The following RFX8 variants were observed in gnomAD, a reference collection of about 807,000 sequenced individuals.
RFX8 encodes the protein DNA-binding protein RFX8.
In RFX8, 46 loss-of-function variants were observed where a neutral mutation model predicts 54.6. The observed-to-expected ratio is 0.84, with a 90% CI of 0.67 to 1.08. RFX8 has a LOEUF of 1.08. Among genes scored for constraint, RFX8 ranks in the 50% least tolerant of loss-of-function variants. The pLI is 0.00. For missense variants in RFX8, 536 were observed against 562.3 expected (o/e 0.95, Z 0.47); for synonymous variants, 192 against 209.5 (o/e 0.92, Z 0.72).
chr2:101,441,698 A>G (rs1167052926), intron 2 of RFX8, among the ~76,000 whole-genome samples: 1 of 152,180 alleles, frequency 6.6e-6, no homozygotes, highest in East Asian at 1.9e-4. Context: ...GCTTTATTAG[A>G]TATGAACATA....
At chr2:101,451,201 T>C (rs1439390463) in intron 2 of RFX8, among the ~76,000 whole-genome samples, 1 of 152,112 alleles carries the variant, frequency 6.6e-6, no homozygotes, top group Admixed American at 6.5e-5. Flanking sequence ...TATTGCCCAA[T>C]ATTAGGTTTG....
intron 2 of RFX8, among the ~76,000 whole-genome samples, chr2:101,432,677 A>T (rs770579552): frequency 6.6e-6 from 1 of 152,092 alleles, no homozygotes; most frequent in Non-Finnish European, 1.5e-5. Context: ...GGCCTTTGGG[A>T]CATTTATCAG....
At chr2:101,451,588 C>G (rs1688683584) in intron 2 of RFX8, among the ~76,000 whole-genome samples, 2 of 150,366 alleles carry the variant, frequency 1.3e-5, no homozygotes, top group African/African-American at 4.9e-5. Flanking sequence ...ACTCGGGAGG[C>G]TGAGGCAGGA....
At chr2:101,468,301 G>A (rs1056405234) in intron 1 of RFX8, among the ~76,000 whole-genome samples, 2 of 152,180 alleles carry the variant, frequency 1.3e-5, no homozygotes, top group South Asian at 2.1e-4. Context: ...GGCTCTGAGG[G>A]AGACCCTGCT....
At chr2:101,456,616 G>T (rs1688976161) in intron 2 of RFX8, among the ~76,000 whole-genome samples, 1 of 152,190 alleles carries the variant, frequency 6.6e-6, no homozygotes, top group Non-Finnish European at 1.5e-5. Flanking sequence ...CGGTTTGCCA[G>T]TATTTTATTG....
intron 6 of RFX8, among the ~76,000 whole-genome samples, chr2:101,416,139 AATTG>A (rs1012171969): frequency 1.9e-4 from 29 of 151,984 alleles, no homozygotes; most frequent in African/African-American, 7.0e-4. Context: ...GAAGGTTGGT[AATTG>A]ATTAATTGCT....
intron 2 of RFX8, among the ~76,000 whole-genome samples, chr2:101,431,326 T>C (rs906294696): frequency 1.3e-5 from 2 of 152,060 alleles, no homozygotes; most frequent in Non-Finnish European, 2.9e-5. Context: ...AGATGTTGGG[T>C]GAGGGTTATG....
chr2:101,415,588 G>A (rs1288945627), intron 6 of RFX8, among the ~76,000 whole-genome samples: 2 of 149,808 alleles, frequency 1.3e-5, no homozygotes, highest in Non-Finnish European at 3.0e-5. Context: ...GATGAAAAGG[G>A]AACGCATAGA....
intron 2 of RFX8, among the ~76,000 whole-genome samples, chr2:101,458,381 A>C (rs1689096426): frequency 6.6e-6 from 1 of 152,188 alleles, no homozygotes; most frequent in South Asian, 2.1e-4. Flanking sequence ...TGCTTCCTTC[A>C]GGAGCTCTTG....
At chr2:101,427,072 G>T (rs949441483) in intron 2 of RFX8, among the ~76,000 whole-genome samples, 3 of 152,012 alleles carry the variant, frequency 2.0e-5, no homozygotes, top group Non-Finnish European at 4.4e-5. Context: ...ATCACCTCCC[G>T]GCTCCAATGC....
intron 6 of RFX8, among the ~76,000 whole-genome samples, chr2:101,415,815 G>A (rs1057199790): frequency 7.9e-5 from 12 of 152,336 alleles, no homozygotes; most frequent in Admixed American, 2.0e-4. Context: ...TGCGATGTGC[G>A]AGCACAAGGA....
At chr2:101,403,345 C>G (rs2104517837) in intron 10 of RFX8, among the ~76,000 whole-genome samples, 1 of 152,282 alleles carries the variant, frequency 6.6e-6, no homozygotes, top group Middle Eastern at 3.4e-3. Flanking sequence ...TAGCTGAATG[C>G]TCCAAATCCC....
intron 11 of RFX8, among the ~76,000 whole-genome samples, chr2:101,400,218 A>G (rs190653366): frequency 5.3e-5 from 8 of 152,306 alleles, no homozygotes; most frequent in Admixed American, 4.6e-4. Context: ...TAATTTGACT[A>G]ACATTCTCCG....
At chr2:101,424,063 G>A (rs942463824) in intron 2 of RFX8, among the ~76,000 whole-genome samples, 1 of 152,130 alleles carries the variant, frequency 6.6e-6, no homozygotes, top group East Asian at 1.9e-4. Context: ...AACTTCCCCC[G>A]TTAATACTGT....
At chr2:101,455,176 A>AT (rs1346022743) in intron 2 of RFX8, among the ~76,000 whole-genome samples, 6 of 151,634 alleles carry the variant, frequency 4.0e-5, no homozygotes, top group African/African-American at 1.5e-4. Context: ...ACACTCAGCT[A>AT]ATTTTTTGTA....
chr2:101,446,885 A>G (rs1217649083), intron 2 of RFX8, among the ~76,000 whole-genome samples: 3 of 152,298 alleles, frequency 2.0e-5, no homozygotes, highest in African/African-American at 7.2e-5. Flanking sequence ...CAAGTGAGAG[A>G]ACAAATTCGC....
At chr2:101,468,957 C>G (rs1689731715) in intron 1 of RFX8, among the ~76,000 whole-genome samples, 1 of 133,326 alleles carries the variant, frequency 7.5e-6, no homozygotes, top group South Asian at 2.4e-4. Context: ...ATATATATAG[C>G]CAGCATATAT....
chr2:101,427,952 G>A (rs777862705), intron 2 of RFX8, among the ~76,000 whole-genome samples: 19 of 152,088 alleles, frequency 1.2e-4, no homozygotes, highest in Admixed American at 2.0e-4. Context: ...TATCTGTTAC[G>A]GACAGAATGT....
intron 2 of RFX8, among the ~76,000 whole-genome samples, chr2:101,437,119 A>T (rs1317086964): frequency 6.6e-6 from 1 of 152,172 alleles, no homozygotes; most frequent in Non-Finnish European, 1.5e-5. Flanking sequence ...TCTTATGAAG[A>T]TAATTGTAGA....
Sources: allele counts gnomAD v4.1 joint callset (sites outside exome capture counted in the v4.1 genomes callset), GRCh38; gene constraint gnomAD v4.1.1; transcripts MANE v1.5; gene names NCBI Gene and HGNC (gene_info 2026-07-23, HGNC 2026-07-21).